TRAPPC9: variants seen among roughly 807,000 people sequenced by gnomAD.
TRAPPC9 encodes IKK2 binding protein.
In TRAPPC9, 83 loss-of-function variants were observed where a neutral mutation model predicts 124.0. The observed-to-expected ratio is 0.67, with a 90% CI of 0.56 to 0.80. The LOEUF is 0.80. Ranked by LOEUF, TRAPPC9 falls within the 30% of genes least tolerant of loss-of-function variation. The probability of loss-of-function intolerance (pLI) is 0.00; values close to 1 mark genes in which losing one functional copy is unlikely to be tolerated. For missense variants in TRAPPC9, 1,302 were observed against 1,508.3 expected (o/e 0.86, Z 2.27); for synonymous variants, 638 against 617.5 (o/e 1.03, Z -0.49).
chr8:140,000,440 C>T (rs1445681849), intron 18 of TRAPPC9, among the ~76,000 whole-genome samples: 3 of 152,190 alleles, frequency 2.0e-5, no homozygotes, highest in Non-Finnish European at 4.4e-5. Context: ...TCAGAGTGAA[C>T]AGGCAACCTA....
chr8:140,390,283 G>A (rs2068890199), intron 7 of TRAPPC9, among the ~76,000 whole-genome samples: 1 of 152,090 alleles, frequency 6.6e-6, no homozygotes. Context: ...CCAGTCTAGG[G>A]AAGAAAGTGA....
intron 18 of TRAPPC9, among the ~76,000 whole-genome samples, chr8:140,002,170 C>T (rs1838446550): frequency 6.6e-6 from 1 of 151,728 alleles, no homozygotes; most frequent in Non-Finnish European, 1.5e-5. Context: ...TAATACTCAA[C>T]AAATTTTTTG....
At chr8:139,958,445 C>T (rs1311252932) in intron 19 of TRAPPC9, among the ~76,000 whole-genome samples, 1 of 152,198 alleles carries the variant, frequency 6.6e-6, no homozygotes, top group Non-Finnish European at 1.5e-5. Context: ...CAGGTGGCTG[C>T]CCCCACCCCC....
At chr8:139,893,719 C>T (rs939780982) in intron 20 of TRAPPC9, among the ~76,000 whole-genome samples, 6 of 152,242 alleles carry the variant, frequency 3.9e-5, no homozygotes, top group Non-Finnish European at 8.8e-5. Flanking sequence ...AACAGAGTGG[C>T]TCCCTGACGA....
intron 9 of TRAPPC9, among the ~76,000 whole-genome samples, chr8:140,321,269 G>A (rs2066588072): frequency 6.6e-6 from 1 of 152,244 alleles, no homozygotes; most frequent in Admixed American, 6.5e-5. Flanking sequence ...ACCCTGAGGA[G>A]CCAGGTGCCA....
intron 9 of TRAPPC9, among the ~76,000 whole-genome samples, chr8:140,336,679 C>T (rs2067050825): frequency 1.3e-5 from 2 of 152,150 alleles, no homozygotes; most frequent in African/African-American, 4.8e-5. Flanking sequence ...GAAGGGGTAG[C>T]TGAATAAATT....
chr8:139,938,366 G>C (rs1382478296), intron 19 of TRAPPC9, among the ~76,000 whole-genome samples: 2 of 152,022 alleles, frequency 1.3e-5, no homozygotes, highest in Non-Finnish European at 2.9e-5. Flanking sequence ...CTCACTGCAA[G>C]CTCCGCCTCC....
At chr8:140,177,329 T>C (rs925509217) in intron 17 of TRAPPC9, among the ~76,000 whole-genome samples, 2 of 152,322 alleles carry the variant, frequency 1.3e-5, no homozygotes, top group South Asian at 2.1e-4. Context: ...CATGTGGGGT[T>C]AAGGGTCGGA....
chr8:140,038,525 A>C (rs1483516703), intron 17 of TRAPPC9, among the ~76,000 whole-genome samples: 1 of 152,228 alleles, frequency 6.6e-6, no homozygotes, highest in African/African-American at 2.4e-5. Flanking sequence ...ACGCATTGAC[A>C]CAAGGTGTGT....
intron 5 of TRAPPC9, among the ~76,000 whole-genome samples, chr8:140,418,299 C>A (rs1420443871): frequency 3.3e-5 from 5 of 152,122 alleles, no homozygotes; most frequent in Non-Finnish European, 7.3e-5. Context: ...ACCAATTCTT[C>A]ATAAACTATT....
At chr8:139,912,070 C>CT (rs1265516517) in intron 19 of TRAPPC9, among the ~76,000 whole-genome samples, 3 of 152,082 alleles carry the variant, frequency 2.0e-5, no homozygotes, top group Non-Finnish European at 4.4e-5. Context: ...TTCTGGTTCT[C>CT]TAAGTAGATA....
At chr8:140,112,745 G>A (rs1476493894) in intron 17 of TRAPPC9, among the ~76,000 whole-genome samples, 2 of 152,152 alleles carry the variant, frequency 1.3e-5, no homozygotes, top group Non-Finnish European at 2.9e-5. Context: ...TTTAATAGGT[G>A]GCCTTGCAGA....
At chr8:140,180,630 AT>A (rs1201647947) in intron 17 of TRAPPC9, among the ~76,000 whole-genome samples, 2 of 148,482 alleles carry the variant, frequency 1.3e-5, no homozygotes, top group African/African-American at 2.5e-5. Flanking sequence ...CTTTATTTGT[AT>A]TTTTTTATGG....
chr8:139,972,713 C>G (rs968740289), intron 19 of TRAPPC9, among the ~76,000 whole-genome samples: 1 of 152,240 alleles, frequency 6.6e-6, no homozygotes, highest in Non-Finnish European at 1.5e-5. Context: ...AACTAAGCCT[C>G]AGCATCTGAG....
chr8:140,089,891 A>G (rs1844450084), intron 17 of TRAPPC9, among the ~76,000 whole-genome samples: 1 of 152,140 alleles, frequency 6.6e-6, no homozygotes, highest in Non-Finnish European at 1.5e-5. Context: ...CATCCTGGCC[A>G]ACACGGTAAA....
intron 18 of TRAPPC9, among the ~76,000 whole-genome samples, chr8:140,000,352 C>T (rs1838305712): frequency 6.6e-6 from 1 of 152,182 alleles, no homozygotes; most frequent in South Asian, 2.1e-4. Flanking sequence ...ACACCAAAAG[C>T]AATGGCAACA....
At chr8:139,941,903 T>C (rs1833942894) in intron 19 of TRAPPC9, among the ~76,000 whole-genome samples, 1 of 152,108 alleles carries the variant, frequency 6.6e-6, no homozygotes, top group South Asian at 2.1e-4. Context: ...CCAGAGCATA[T>C]CTGAAGGAGC....
In TRAPPC9 at chr8:139,728,458, G is replaced by A. The variant is rs1026514785; in HGVS notation, c.*2603C>T. On this transcript the variant is annotated 3_prime_UTR_variant, in exon 23 of 23. Coordinates refer to ENST00000438773, the MANE Select transcript of TRAPPC9 (RefSeq NM_001160372.4). Reference sequence around the variant, plus strand: ...GTATTGCCAGGTAGCCAGTAGCGTGGGGCCCTGGAAGAGGCTGGAGGATAC... The same window carrying A: ...GTATTGCCAGGTAGCCAGTAGCGTGAGGCCCTGGAAGAGGCTGGAGGATAC... Among the ~76,000 whole-genome samples, 7 of 152,186 alleles carry A rather than the reference G, an allele frequency of 4.6e-5. No homozygotes were observed. The highest frequency in any genetic ancestry group is 1.7e-4 in the African/African-American group (7 of 41,444).
At chr8:139,895,049 G>C (rs1346666847) in intron 20 of TRAPPC9, among the ~76,000 whole-genome samples, 1 of 152,180 alleles carries the variant, frequency 6.6e-6, no homozygotes, top group Non-Finnish European at 1.5e-5. Flanking sequence ...GAAACCGGAG[G>C]GCTCAACCAC....
Sources: allele counts gnomAD v4.1 joint callset (sites outside exome capture counted in the v4.1 genomes callset), GRCh38; gene constraint gnomAD v4.1.1; transcripts MANE v1.5; gene names NCBI Gene and HGNC (gene_info 2026-07-23, HGNC 2026-07-21).